The following NDUFA12 variants were observed in gnomAD, a reference collection of about 807,000 sequenced individuals.
NDUFA12 encodes NADH:ubiquinone oxidoreductase subunit A12, also known as NADH dehydrogenase [ubiquinone] 1 alpha subcomplex subunit 12.
Under a neutral mutation model 20.3 loss-of-function variants are expected in NDUFA12, and 17 were observed. The ratio of observed to expected loss-of-function variants is 0.84; its 90% CI spans 0.57 to 1.26. The LOEUF (loss-of-function observed/expected upper bound fraction) is 1.26. Among genes scored for constraint, NDUFA12 ranks in the 50% most tolerant of loss-of-function variants. NDUFA12 has a pLI of 0.00. For synonymous variants in NDUFA12, 72 were observed against 63.6 expected (o/e 1.13, Z -0.63); for missense variants, 191 against 183.7 (o/e 1.04, Z -0.23).
At chr12:94,994,291 C>CTT in intron 2 of NDUFA12, 34 bp from the exon 3 acceptor site, 9 of 1,478,520 alleles carry the variant, frequency 6.1e-6, no homozygotes, top group African/African-American at 1.4e-5. Flanking sequence ...AAAAGAAAAA[C>CTT]TTTTTTTTTT....
At chr12:95,002,881 G>A (rs1406311112) in intron 1 of NDUFA12, 60 bp from the exon 2 acceptor site, 12 of 1,457,432 alleles carry the variant, frequency 8.2e-6, no homozygotes, top group Non-Finnish European at 1.2e-5. Context: ...AAACATAAAC[G>A]GAAATAAAGT....
intron 3 of NDUFA12, among the ~76,000 whole-genome samples, chr12:94,977,470 CA>C (rs11330323): frequency 0.86 from 125,611 of 145,940 alleles, 53,941 homozygotes; most frequent in Admixed American, 0.9. Flanking sequence ...GACCTTGTGT[CA>C]AAAAAAAAAA....
At chr12:94,997,599 G>A (rs994333921) in intron 2 of NDUFA12, among the ~76,000 whole-genome samples, 3 of 152,118 alleles carry the variant, frequency 2.0e-5, no homozygotes, top group Non-Finnish European at 4.4e-5. Flanking sequence ...AGAAGGTACA[G>A]GTTGGGTATC....
intron 3 of NDUFA12, among the ~76,000 whole-genome samples, chr12:94,984,062 A>C (rs1331347780): frequency 6.6e-6 from 1 of 152,024 alleles, no homozygotes; most frequent in Non-Finnish European, 1.5e-5. Flanking sequence ...AGGGGGGATG[A>C]GAGGGCAGCA....
intron 2 of NDUFA12, 96 bp from the exon 3 acceptor site, chr12:94,994,353 C>T: frequency 2.2e-6 from 2 of 909,916 alleles, no homozygotes; most frequent in Non-Finnish European, 3.4e-6. Flanking sequence ...TAAGAAAAGA[C>T]TTTTTGTGAT....
At chr12:95,001,199 A>G (rs1875013957) in intron 2 of NDUFA12, among the ~76,000 whole-genome samples, 1 of 152,112 alleles carries the variant, frequency 6.6e-6, no homozygotes, top group African/African-American at 2.4e-5. Context: ...CCAGCTACAT[A>G]GGAGGCTGAG....
chr12:94,992,255 AT>A (rs1874670527), intron 3 of NDUFA12, among the ~76,000 whole-genome samples: 1 of 152,192 alleles, frequency 6.6e-6, no homozygotes, highest in African/African-American at 2.4e-5. Context: ...AGCATTTAGA[AT>A]TTCATTTCAA....
chr12:94,979,032 C>G (rs1415357709), intron 3 of NDUFA12, among the ~76,000 whole-genome samples: 1 of 152,136 alleles, frequency 6.6e-6, no homozygotes, highest in African/African-American at 2.4e-5. Context: ...AATAAGCTTT[C>G]TTCTAAAGAA....
At chr12:95,000,946 A>C (rs749354462) in intron 2 of NDUFA12, among the ~76,000 whole-genome samples, 7 of 152,246 alleles carry the variant, frequency 4.6e-5, no homozygotes, top group Non-Finnish European at 8.8e-5. Flanking sequence ...TAAAATAAAA[A>C]AACAACAACA....
chr12:94,985,075 C>A (rs1356504452), intron 3 of NDUFA12, among the ~76,000 whole-genome samples: 3 of 150,268 alleles, frequency 2.0e-5, no homozygotes, highest in African/African-American at 7.4e-5. Flanking sequence ...GTAATCCCAG[C>A]ATTTTGATAG....
chr12:94,986,643 C>G (rs77726563), intron 3 of NDUFA12, among the ~76,000 whole-genome samples: 1 of 7,286 alleles, frequency 1.4e-4, no homozygotes, highest in African/African-American at 8.1e-4. Context: ...TAAAAAAAAA[C>G]CAGCAGGTTG....
intron 3 of NDUFA12, among the ~76,000 whole-genome samples, chr12:94,974,202 C>A (rs1477157613): frequency 1.3e-5 from 2 of 151,960 alleles, no homozygotes; most frequent in African/African-American, 4.8e-5. Flanking sequence ...GAACTCCTGG[C>A]CTCCAGTGAT....
chr12:94,979,142 T>G (rs998432478), intron 3 of NDUFA12, among the ~76,000 whole-genome samples: 3 of 151,962 alleles, frequency 2.0e-5, no homozygotes, highest in Non-Finnish European at 4.4e-5. Context: ...GCAGGGGGGA[T>G]GCTTGAGCCC....
At position 94,973,244 on chromosome 12, in the gene NDUFA12, G is replaced by C. The variant is rs146061566; in HGVS notation, c.258-1624C>G. 7.6e-3 allele frequency among the ~76,000 whole-genome samples: 1,152 copies of C among 152,286 alleles called. 12 individuals are homozygous for C. The highest frequency in any genetic ancestry group is 0.02 in the Admixed American group (304 of 15,286). ...TACAGTTGCTATGTTTATGTCTAAA[G>C]ATAATTGTATCATGATCAGCTTATA... On this transcript the variant is annotated intron_variant, in intron 3 of 3. Transcript: ENST00000327772.
At chr12:94,974,112 C>G (rs1873983287) in intron 3 of NDUFA12, among the ~76,000 whole-genome samples, 1 of 151,790 alleles carries the variant, frequency 6.6e-6, no homozygotes, top group South Asian at 2.1e-4. Context: ...GCTGGGATTA[C>G]AGGCGCATGC....
chr12:94,991,624 G>A (rs1874647351), intron 3 of NDUFA12, among the ~76,000 whole-genome samples: 3 of 151,626 alleles, frequency 2.0e-5, no homozygotes, highest in Admixed American at 2.0e-4. Context: ...CTACTTGAGA[G>A]GCTGAGGCGG....
intron 3 of NDUFA12, among the ~76,000 whole-genome samples, chr12:94,982,103 C>T (rs887204509): frequency 6.6e-6 from 1 of 152,140 alleles, no homozygotes; most frequent in Admixed American, 6.5e-5. Context: ...ACTGAACAGA[C>T]TCATAAGACT....
chr12:94,979,923 G>C (rs553582496), intron 3 of NDUFA12, among the ~76,000 whole-genome samples: 4 of 151,932 alleles, frequency 2.6e-5, no homozygotes, highest in Admixed American at 2.6e-4. Flanking sequence ...TCCTTTGCTA[G>C]AATGTTCAAA....
intron 3 of NDUFA12, among the ~76,000 whole-genome samples, chr12:94,982,440 A>AT (rs1009526493): frequency 6.0e-5 from 9 of 150,828 alleles, no homozygotes; most frequent in Non-Finnish European, 5.9e-5. Context: ...GGCCCGGCTA[A>AT]TTTTTTTTTG....
Sources: allele counts gnomAD v4.1 joint callset (sites outside exome capture counted in the v4.1 genomes callset), GRCh38; gene constraint gnomAD v4.1.1; transcripts MANE v1.5; gene names NCBI Gene and HGNC (gene_info 2026-07-23, HGNC 2026-07-21).